Variants in SLC35E1 observed in about 807,000 individuals in gnomAD.
SLC35E1 encodes the protein solute carrier family 35 member E1.
SLC35E1 carries 12 observed loss-of-function variants against 31.0 expected under a neutral mutation model. The observed-to-expected ratio is 0.39, with a 90% CI of 0.25 to 0.63. SLC35E1 has a LOEUF of 0.63. Ranked by LOEUF, SLC35E1 falls within the 20% of genes least tolerant of loss-of-function variation. The pLI, the probability that SLC35E1 is intolerant of heterozygous loss-of-function variation, is 0.52. For missense variants in SLC35E1, 429 were observed against 572.2 expected (o/e 0.75, Z 2.55); for synonymous variants, 257 against 264.1 (o/e 0.97, Z 0.26).
chr19:16,567,958 T>G, intron 3 of SLC35E1, 74 bp downstream of exon 3: 1 of 1,467,204 alleles, frequency 6.8e-7, no homozygotes, highest in Non-Finnish European at 9.0e-7. Flanking sequence ...CTCCGCCTGT[T>G]TTCCCAATGC....
rs138566408 is a variant in SLC35E1, at chr19:16,563,464, C to A, written c.756+3068G>T. Among the ~76,000 whole-genome samples the A allele has an allele frequency of 5.9e-3, 895 of 152,188 alleles. 2 individuals carry two copies. The highest frequency in any genetic ancestry group is 0.01 in the Non-Finnish European group (713 of 68,008). ...GAACTAGGAGCCTAAGAAATGTTAT[C>A]CATGGTCAGGGAGGGGACAGGGAGA... On this transcript the variant is annotated intron_variant, in intron 4 of 5. Transcript: ENST00000595753.
Position 16,571,567 on chromosome 19 carries a change from G to A in SLC35E1, c.437C>T (p.Pro146Leu). The change falls in exon 2 of 6, where the codon CCC becomes CTC. Residue 146 changes from proline (P) to leucine (L), a missense_variant. Pro to Leu is a moderately conservative substitution (Grantham distance 98). Coordinates refer to ENST00000595753, the MANE Select transcript of SLC35E1 (RefSeq NM_024881.5). ...SYAHTVKATM[P>L]IWVVLLSRII... ...CCGGGACAGGAGGACCACCCAGATG[G>A]GCATGGTGGCCTTGACTGCAAAGAG... 1.2e-6 allele frequency: 2 copies of A among 1,613,892 alleles called. No homozygotes were observed. The highest frequency in any genetic ancestry group is 1.1e-5 in the South Asian group (1 of 91,052).
intron 4 of SLC35E1, among the ~76,000 whole-genome samples, chr19:16,560,500 T>C (rs902635870): frequency 6.6e-6 from 1 of 152,088 alleles, no homozygotes; most frequent in Non-Finnish European, 1.5e-5. Context: ...CTGCTGCTGC[T>C]GCCACCAACG....
chr19:16,566,645 A>C lies in SLC35E1; in HGVS notation c.643T>G (p.Ser215Ala). The C allele has an allele frequency of 1.9e-6, 3 of 1,612,154 alleles. No homozygotes were observed. Among genetic ancestry groups the C allele is most frequent in the Middle Eastern group, 2.2e-4 (1 of 4,636 alleles). The change falls in exon 4 of 6, where the codon TCA becomes GCA. Residue 215 changes from serine (S) to alanine (A), a missense_variant. By Grantham distance (99) the Ser-to-Ala change is moderately conservative. Coordinates refer to ENST00000595753, the MANE Select transcript of SLC35E1 (RefSeq NM_024881.5). ...NIFSKKVLRD[S>A]RIHHLRLLNI... ...AGCAGCCGGAGATGGTGGATCCGTG[A>C]ATCTCGCAAGACCTGGAAAGGGAAA...
At chr19:16,565,811 C>T (rs1045548721) in intron 4 of SLC35E1, 11 of 143,900 alleles carry the variant, frequency 7.6e-5, no homozygotes, top group South Asian at 4.4e-4. Context: ...CCACTGCGCC[C>T]GGCTTTTTTT....
rs1450796743 is a variant in SLC35E1, at chr19:16,568,085, T to C, written c.577A>G (p.Ser193Gly). The change falls in exon 3 of 6, where the codon AGC becomes GGC. Residue 193 changes from serine to glycine, a missense_variant. Coordinates refer to ENST00000595753, the MANE Select transcript of SLC35E1 (RefSeq NM_024881.5). ...ELSFDMWGLV[S>G]ALAATLCFSL... ...AAGCACAGCGTGGCGGCGAGGGCGC[T>C]GACGAGTCCCCACATGTCAAAAGAC... 2 of 1,613,792 alleles carry C rather than the reference T, an allele frequency of 1.2e-6. No homozygotes were observed. The highest frequency in any genetic ancestry group is 1.7e-5 in the Admixed American group (1 of 59,996).
intron 3 of SLC35E1, among the ~76,000 whole-genome samples, chr19:16,567,187 AT>A (rs993213446): frequency 2.7e-5 from 4 of 149,346 alleles, no homozygotes; most frequent in Non-Finnish European, 4.5e-5. Flanking sequence ...GTTAAGAGCA[AT>A]TTTTTTTTTT....
chr19:16,560,321 C>T lies in SLC35E1; in HGVS notation c.757-4924G>A, dbSNP rs2079528281. Among the ~76,000 whole-genome samples, 3 of 152,110 alleles carry T rather than the reference C, an allele frequency of 2.0e-5. No homozygotes were observed. In the South Asian group the frequency reaches 6.2e-4, roughly 32 times the overall value. On this transcript the variant is annotated intron_variant, in intron 4 of 5. Transcript: ENST00000595753. ...TCCAGTCAGAAAGCTGAGGTTTAATCACCGTACTCTGCTGTTCACTTCCTG... is the reference window on the plus strand; with the variant it reads ...TCCAGTCAGAAAGCTGAGGTTTAATTACCGTACTCTGCTGTTCACTTCCTG...
At chr19:16,568,891 T>G (rs1025765701) in intron 2 of SLC35E1, among the ~76,000 whole-genome samples, 1 of 152,148 alleles carries the variant, frequency 6.6e-6, no homozygotes, top group Non-Finnish European at 1.5e-5. Context: ...CACACTCCAC[T>G]GATGCCTTCT....
At chr19:16,564,194 G>A (rs1471352353) in intron 4 of SLC35E1, 1 of 152,498 alleles carries the variant, frequency 6.6e-6, no homozygotes, top group African/African-American at 2.4e-5. Flanking sequence ...CTCTGGGATG[G>A]GAAGTACACA....
At position 16,572,027 on chromosome 19, in the gene SLC35E1, A is replaced by T; in HGVS notation, c.338T>A (p.Leu113Gln). ...GAAGTACTTGCCGAAGGCGAGCGGTAGCACGTAGCGCGGGTAGAAGCGCGG... is the reference window on the plus strand; with the variant it reads ...GAAGTACTTGCCGAAGGCGAGCGGTTGCACGTAGCGCGGGTAGAAGCGCGG... ...LPPRFYPRYV[L>Q]PLAFGKYFAS... The change falls in exon 1 of 6, where the codon CTA (leucine) becomes CAA (glutamine). Residue 113 changes from leucine to glutamine, a missense_variant. Leu to Gln is a moderately radical substitution (Grantham distance 113). Coordinates refer to ENST00000595753, the MANE Select transcript of SLC35E1 (RefSeq NM_024881.5). This position sits in a 1 kb window ranked among gnomAD's most constrained non-coding sequence, Gnocchi z 4.1. 6.5e-7 allele frequency: 1 copy of T among 1,544,504 alleles called. No individual in the cohort carries two copies. Among genetic ancestry groups the T allele is most frequent in the Non-Finnish European group, 8.7e-7 (1 of 1,144,620 alleles).
At chr19:16,569,738 C>T (rs1272051371) in intron 2 of SLC35E1, among the ~76,000 whole-genome samples, 2 of 152,158 alleles carry the variant, frequency 1.3e-5, no homozygotes, top group Admixed American at 1.3e-4. Context: ...CCCGGCTACT[C>T]GGGAGGCTGA....
intron 1 of SLC35E1, 142 bp downstream of exon 1, chr19:16,571,802 C>T (rs966345584): frequency 1.4e-5 from 14 of 984,784 alleles, no homozygotes; most frequent in Non-Finnish European, 3.0e-6. Flanking sequence ...GTGCGTGTCC[C>T]TCCCCTACCA....
At position 16,572,098 on chromosome 19, in the gene SLC35E1, C is replaced by A; in HGVS notation, c.267G>T (p.Ser89=). 6.6e-7 allele frequency: 1 copy of A among 1,515,752 alleles called. No homozygotes were observed. Among genetic ancestry groups the A allele is most frequent in the Non-Finnish European group, 8.8e-7 (1 of 1,132,796 alleles). The allele number at this position is 1,515,752 out of a possible 1,614,324, so 93.9% of individuals were successfully genotyped here. Residue 89 remains serine, a synonymous_variant, in exon 1 of 6, where the codon TCG becomes TCT. Transcript: ENST00000595753. The surrounding 1 kb of genome is among the most constrained non-coding windows in gnomAD (Gnocchi z 4.1). The part of the protein sequence containing the change: ...AWRVPPAPPV[S]GPGPSPHPSS... Reference sequence around the variant, plus strand: ...ACGGATGCGGACTGGGTCCGGGGCCCGAGACGGGCGGCGCGGGGGGCACGC... The same window carrying A: ...ACGGATGCGGACTGGGTCCGGGGCCAGAGACGGGCGGCGCGGGGGGCACGC...
chr19:16,553,598 T>C lies in SLC35E1; in HGVS notation c.*81A>G. On this transcript the variant is annotated 3_prime_UTR_variant, in exon 6 of 6. Coordinates refer to ENST00000595753, the MANE Select transcript of SLC35E1 (RefSeq NM_024881.5). Reference sequence around the variant, plus strand: ...CCGTCCCCTCGGCTGGGTTGTACATTCACTGATTGTCAGAAGTTTCTGATA... The same window carrying C: ...CCGTCCCCTCGGCTGGGTTGTACATCCACTGATTGTCAGAAGTTTCTGATA... 7.7e-7 allele frequency: 1 copy of C among 1,295,010 alleles called. No individual in the cohort carries two copies. Among genetic ancestry groups the C allele is most frequent in the Middle Eastern group, 2.1e-4 (1 of 4,742 alleles). The allele number at this position is 1,295,010 out of a possible 1,614,324, so 80.2% of individuals were successfully genotyped here.
chr19:16,560,740 C>A (rs1276508241), intron 4 of SLC35E1, among the ~76,000 whole-genome samples: 1 of 150,038 alleles, frequency 6.7e-6, no homozygotes, highest in Non-Finnish European at 1.5e-5. Context: ...TGCGCGCCTA[C>A]AATTCCAGCT....
At chr19:16,562,887 G>C (rs2085914157) in intron 4 of SLC35E1, among the ~76,000 whole-genome samples, 1 of 152,050 alleles carries the variant, frequency 6.6e-6, no homozygotes, top group Non-Finnish European at 1.5e-5. Flanking sequence ...TTTTGGTTTT[G>C]TTTTACGTAG....
chr19:16,569,359 G>A (rs555421253), intron 2 of SLC35E1, among the ~76,000 whole-genome samples: 8 of 150,340 alleles, frequency 5.3e-5, no homozygotes, highest in Non-Finnish European at 8.9e-5. Flanking sequence ...ATCCGGTCCC[G>A]TTAGTGTACC....
intron 4 of SLC35E1, among the ~76,000 whole-genome samples, chr19:16,562,865 T>C (rs1189516487): frequency 6.6e-6 from 1 of 152,092 alleles, no homozygotes; most frequent in Non-Finnish European, 1.5e-5. Context: ...TGTGCCACCA[T>C]GCCGGGTTAA....
Sources: allele counts gnomAD v4.1 joint callset (sites outside exome capture counted in the v4.1 genomes callset), GRCh38; gene constraint gnomAD v4.1.1; non-coding constraint Gnocchi (gnomAD v3.1); transcripts MANE v1.5; gene names NCBI Gene and HGNC (gene_info 2026-07-23, HGNC 2026-07-21).